NEK11: variants seen among roughly 807,000 people sequenced by gnomAD.
NEK11 encodes serine/threonine-protein kinase Nek11.
In NEK11, 72 loss-of-function variants were observed where a neutral mutation model predicts 80.7. The observed-to-expected ratio is 0.89, with a 90% CI of 0.74 to 1.08. The LOEUF is 1.08. Among genes scored for constraint, NEK11 ranks in the 50% least tolerant of loss-of-function variants. NEK11 has a pLI of 0.00. For missense variants in NEK11, 764 were observed against 763.6 expected (o/e 1.00, Z -0.01); for synonymous variants, 251 against 260.7 (o/e 0.96, Z 0.36).
At chr3:131,236,644 A>G (rs1228829847) in intron 15 of NEK11, among the ~76,000 whole-genome samples, 1 of 152,150 alleles carries the variant, frequency 6.6e-6, no homozygotes, top group African/African-American at 2.4e-5. Context: ...GTCTTATGGG[A>G]GCTGTGGGGG....
intron 17 of NEK11, among the ~76,000 whole-genome samples, chr3:131,279,524 A>G (rs890691188): frequency 6.6e-6 from 1 of 152,178 alleles, no homozygotes; most frequent in Non-Finnish European, 1.5e-5. Context: ...AAATAGTCGT[A>G]TAATTATCAG....
At chr3:131,293,616 G>A (rs577985723) in intron 17 of NEK11, among the ~76,000 whole-genome samples, 1 of 152,024 alleles carries the variant, frequency 6.6e-6, no homozygotes, top group African/African-American at 2.4e-5. Context: ...CTCATAGAAT[G>A]AGTTAGGAAA....
intron 3 of NEK11, among the ~76,000 whole-genome samples, chr3:131,078,825 TG>T (rs1293129455): frequency 1.3e-5 from 2 of 151,508 alleles, no homozygotes; most frequent in Non-Finnish European, 2.9e-5. Context: ...CTCCAGTTTT[TG>T]GCTGTATAGC....
Position 131,273,477 on chromosome 3 carries a change from G to A in NEK11, c.1622-1G>A, listed in dbSNP as rs374964276. On this transcript the variant is annotated splice_acceptor_variant, in intron 16 of 17. Coordinates refer to ENST00000383366, the MANE Select transcript of NEK11 (RefSeq NM_024800.5). LOFTEE classifies it high-confidence loss of function. ...AATAAGGGCTGTGCATTGATTTTCA[G>A]ACACAAAGACCATCACCACCATGGC... 14 of 1,613,240 alleles carry A rather than the reference G, an allele frequency of 8.7e-6. No homozygotes were observed. The highest frequency in any genetic ancestry group is 1.2e-5 in the Non-Finnish European group (14 of 1,179,376).
intron 17 of NEK11, among the ~76,000 whole-genome samples, chr3:131,274,034 T>G (rs2096248443): frequency 1.3e-5 from 2 of 151,766 alleles, no homozygotes; most frequent in Admixed American, 1.3e-4. Context: ...TGTATACATG[T>G]GCCATGCTGG....
intron 16 of NEK11, among the ~76,000 whole-genome samples, chr3:131,246,345 A>G (rs183491141): frequency 6.6e-6 from 1 of 151,680 alleles, no homozygotes; most frequent in East Asian, 2.0e-4. Flanking sequence ...GAGTGAGAAT[A>G]TAGGATGTTT....
chr3:131,176,027 G>T (rs1386203729), intron 14 of NEK11, among the ~76,000 whole-genome samples: 2 of 152,158 alleles, frequency 1.3e-5, no homozygotes, highest in Non-Finnish European at 2.9e-5. Flanking sequence ...AAGCTTTGGG[G>T]TCCTTTCCAA....
intron 14 of NEK11, among the ~76,000 whole-genome samples, chr3:131,186,590 G>A (rs1010426513): frequency 6.6e-6 from 1 of 152,144 alleles, no homozygotes; most frequent in African/African-American, 2.4e-5. Flanking sequence ...CTTAGAAGAC[G>A]CTCCTTTGCC....
Position 131,058,563 on chromosome 3 carries a change from A to G in NEK11, c.171-21860A>G, listed in dbSNP as rs1432699851. 2.0e-5 allele frequency among the ~76,000 whole-genome samples: 3 copies of G among 152,310 alleles called. No individual in the cohort carries two copies. In the East Asian group the frequency reaches 5.8e-4, roughly 29 times the overall value. ...ACTAAAAGAAAGCTGTGGGTGTAAT[A>G]TCTAGATACTGCATGTCATTGTATT... On this transcript the variant is annotated intron_variant, in intron 3 of 17. Transcript: ENST00000383366.
intron 17 of NEK11, among the ~76,000 whole-genome samples, chr3:131,318,641 C>G (rs1417048054): frequency 6.6e-6 from 1 of 151,716 alleles, no homozygotes; most frequent in African/African-American, 2.4e-5. Context: ...GTGGTGAGCT[C>G]TCTAGAGTAT....
intron 14 of NEK11, among the ~76,000 whole-genome samples, chr3:131,206,620 G>A (rs1437593906): frequency 2.6e-5 from 4 of 151,990 alleles, no homozygotes; most frequent in African/African-American, 4.8e-5. Flanking sequence ...ATCACTAGAG[G>A]GCTAACATTA....
At chr3:131,091,642 A>G (rs1467896859) in intron 4 of NEK11, among the ~76,000 whole-genome samples, 1 of 152,254 alleles carries the variant, frequency 6.6e-6, no homozygotes, top group Non-Finnish European at 1.5e-5. Flanking sequence ...TTTAAAAATG[A>G]CAATAGGATG....
chr3:131,046,184 T>C (rs1440398132), intron 3 of NEK11, among the ~76,000 whole-genome samples: 2 of 152,208 alleles, frequency 1.3e-5, no homozygotes, highest in African/African-American at 4.8e-5. Context: ...TTTTCATTGT[T>C]TTTGTTTTAT....
At chr3:131,043,969 T>TA (rs2066934392) in intron 3 of NEK11, among the ~76,000 whole-genome samples, 1 of 152,062 alleles carries the variant, frequency 6.6e-6, no homozygotes, top group African/African-American at 2.4e-5. Flanking sequence ...TCAACATTCT[T>TA]AAAGGAAAGA....
intron 3 of NEK11, among the ~76,000 whole-genome samples, chr3:131,069,520 A>G (rs1228798835): frequency 1.3e-5 from 2 of 152,272 alleles, no homozygotes; most frequent in Non-Finnish European, 1.5e-5. Context: ...ATAAAGACGC[A>G]TGCACACGTA....
intron 17 of NEK11, among the ~76,000 whole-genome samples, chr3:131,304,166 T>C (rs1422370694): frequency 6.6e-6 from 1 of 152,234 alleles, no homozygotes; most frequent in Non-Finnish European, 1.5e-5. Context: ...GCATTTGAGC[T>C]TTGAAATTTT....
chr3:131,167,703 A>C (rs138330684), intron 12 of NEK11, among the ~76,000 whole-genome samples: 82 of 152,286 alleles, frequency 5.4e-4, no homozygotes, highest in African/African-American at 2.0e-3. Context: ...AGCTAGACAC[A>C]AAGTTCTGAT....
intron 17 of NEK11, among the ~76,000 whole-genome samples, chr3:131,344,541 C>T (rs1388078577): frequency 6.6e-6 from 1 of 152,152 alleles, no homozygotes; most frequent in Non-Finnish European, 1.5e-5. Flanking sequence ...TAGCAATGCC[C>T]CTCTCCTTGG....
chr3:131,336,983 G>A (rs922183027), intron 17 of NEK11, among the ~76,000 whole-genome samples: 1 of 152,068 alleles, frequency 6.6e-6, no homozygotes. Flanking sequence ...TGGAGAGGAT[G>A]TGGAGAAATA....
Sources: gnomAD v4.1 joint callset for allele counts (sites outside exome capture counted in the v4.1 genomes callset) on GRCh38, gnomAD v4.1.1 for gene constraint, MANE v1.5 for transcripts, NCBI Gene and HGNC (gene_info 2026-07-23, HGNC 2026-07-21) for gene names.